RIMS2: variants seen among roughly 807,000 people sequenced by gnomAD.
The protein encoded by RIMS2 is regulating synaptic membrane exocytosis protein 2.
In RIMS2, 59 loss-of-function variants were observed where a neutral mutation model predicts 174.4. That is an observed-to-expected ratio of 0.34 (90% CI 0.27 to 0.42). The LOEUF (loss-of-function observed/expected upper bound fraction) is 0.42, where lower values mean the gene tolerates loss of function less well. Among genes scored for constraint, RIMS2 ranks in the 10% least tolerant of loss-of-function variants. The pLI, the probability that RIMS2 is intolerant of heterozygous loss-of-function variation, is 1.00. For synonymous variants in RIMS2, 606 were observed against 572.5 expected (o/e 1.06, Z -0.84); for missense variants, 1,620 against 1,666.3 (o/e 0.97, Z 0.48).
chr8:103,965,344 C>T (rs1397071317), intron 15 of RIMS2, among the ~76,000 whole-genome samples: 1 of 151,986 alleles, frequency 6.6e-6, no homozygotes, highest in Non-Finnish European at 1.5e-5. Flanking sequence ...TTGTTTTTCT[C>T]ATGTAGATCT....
intron 19 of RIMS2, among the ~76,000 whole-genome samples, chr8:104,099,938 C>T (rs542756880): frequency 6.6e-6 from 1 of 151,992 alleles, no homozygotes; most frequent in East Asian, 1.9e-4. Context: ...CCACCTCAGC[C>T]TCCTGAATAG....
intron 1 of RIMS2, among the ~76,000 whole-genome samples, chr8:103,579,773 G>A (rs1368463949): frequency 2.6e-5 from 4 of 152,090 alleles, no homozygotes; most frequent in Non-Finnish European, 5.9e-5. Flanking sequence ...CCTGAGACTG[G>A]GTAATTTATG....
intron 17 of RIMS2, 105 bp downstream of exon 19, chr8:103,989,526 G>A: frequency 1.7e-6 from 1 of 592,934 alleles, no homozygotes; most frequent in Non-Finnish European, 2.9e-6. Flanking sequence ...CTTAGTTTCT[G>A]AAACAATGTT....
chr8:104,009,227 G>C (rs889281051), intron 17 of RIMS2, among the ~76,000 whole-genome samples: 1 of 150,992 alleles, frequency 6.6e-6, no homozygotes, highest in Admixed American at 6.6e-5. Flanking sequence ...CAGTTATGCA[G>C]TTAACGCCCA....
At chr8:103,754,434 G>A (rs566662949) in intron 2 of RIMS2, among the ~76,000 whole-genome samples, 2 of 152,284 alleles carry the variant, frequency 1.3e-5, no homozygotes, top group South Asian at 2.1e-4. Flanking sequence ...TTCTGTAGAT[G>A]TCTATTAAGT....
chr8:103,697,822 C>T (rs557213705), intron 2 of RIMS2, among the ~76,000 whole-genome samples: 8 of 152,114 alleles, frequency 5.3e-5, no homozygotes, highest in African/African-American at 1.2e-4. Context: ...GTCAGGAGTT[C>T]GAGACCAGCC....
intron 1 of RIMS2, among the ~76,000 whole-genome samples, chr8:103,561,835 T>C (rs1029039737): frequency 6.6e-6 from 1 of 151,912 alleles, no homozygotes; most frequent in African/African-American, 2.4e-5. Flanking sequence ...AAAAGAGAGG[T>C]TTAATGGACT....
chr8:104,055,528 C>G (rs1211142399), intron 19 of RIMS2, among the ~76,000 whole-genome samples: 2 of 151,986 alleles, frequency 1.3e-5, no homozygotes, highest in East Asian at 3.9e-4. Context: ...ATTATTGTAC[C>G]TTTTCTTAGA....
intron 16 of RIMS2, among the ~76,000 whole-genome samples, chr8:103,987,828 G>T (rs996383739): frequency 6.6e-6 from 1 of 152,158 alleles, no homozygotes; most frequent in East Asian, 1.9e-4. Flanking sequence ...ATAGTAAAAT[G>T]TAAGTACTGT....
chr8:103,593,273 A>C (rs2094342310), intron 1 of RIMS2, among the ~76,000 whole-genome samples: 1 of 151,428 alleles, frequency 6.6e-6, no homozygotes, highest in Admixed American at 6.6e-5. Context: ...ATATTGTATG[A>C]TGTAATATGT....
chr8:104,014,809 G>A (rs1480707976), intron 19 of RIMS2, among the ~76,000 whole-genome samples, 194 bp downstream of exon 21: 1 of 151,952 alleles, frequency 6.6e-6, no homozygotes, highest in Admixed American at 6.6e-5. Flanking sequence ...GTAAAATAAG[G>A]TATCTTTATT....
At chr8:104,049,909 T>A (rs1433425863) in intron 19 of RIMS2, among the ~76,000 whole-genome samples, 3 of 152,222 alleles carry the variant, frequency 2.0e-5, no homozygotes, top group Non-Finnish European at 4.4e-5. Context: ...TCAAATTCCT[T>A]CTTTAAATAT....
At chr8:103,766,728 G>A (rs937335805) in intron 3 of RIMS2, among the ~76,000 whole-genome samples, 191 bp downstream of exon 6, 1 of 152,188 alleles carries the variant, frequency 6.6e-6, no homozygotes, top group African/African-American at 2.4e-5. Context: ...TCTTAGATTT[G>A]ATGTGGGAGT....
At chr8:104,059,941 G>A (rs893045840) in intron 19 of RIMS2, among the ~76,000 whole-genome samples, 3 of 152,086 alleles carry the variant, frequency 2.0e-5, no homozygotes, top group Admixed American at 2.0e-4. Context: ...TGGTGGATAA[G>A]CTTTTTGATG....
intron 1 of RIMS2, among the ~76,000 whole-genome samples, chr8:103,553,064 G>A (rs1848770276): frequency 6.6e-6 from 1 of 152,070 alleles, no homozygotes; most frequent in Non-Finnish European, 1.5e-5. Context: ...TAGAACTAGA[G>A]ATACCGTTTG....
intron 2 of RIMS2, among the ~76,000 whole-genome samples, chr8:103,709,577 A>G (rs2097278386): frequency 6.6e-6 from 1 of 152,214 alleles, no homozygotes; most frequent in Non-Finnish European, 1.5e-5. Flanking sequence ...CTACAGAGGA[A>G]AGACTGAGTC....
intron 19 of RIMS2, among the ~76,000 whole-genome samples, chr8:104,059,187 C>T (rs576321373): frequency 6.6e-6 from 1 of 151,712 alleles, no homozygotes; most frequent in Admixed American, 6.6e-5. Flanking sequence ...GATATTGATT[C>T]TTCCTACCCA....
At chr8:104,138,429 C>A (rs1215167338) in intron 19 of RIMS2, among the ~76,000 whole-genome samples, 1 of 152,078 alleles carries the variant, frequency 6.6e-6, no homozygotes. Flanking sequence ...CACATTCTCG[C>A]CAGCATTCAT....
chr8:103,796,840 C>G (rs2098553164), intron 3 of RIMS2, among the ~76,000 whole-genome samples: 1 of 152,066 alleles, frequency 6.6e-6, no homozygotes, highest in Non-Finnish European at 1.5e-5. Flanking sequence ...ATTTGGCTGT[C>G]CAGGTTGTGT....
Sources: allele counts gnomAD v4.1 joint callset (sites outside exome capture counted in the v4.1 genomes callset), GRCh38; gene constraint gnomAD v4.1.1; transcripts MANE v1.5; gene names NCBI Gene and HGNC (gene_info 2026-07-23, HGNC 2026-07-21).